Variants in TIGD1 observed in about 807,000 individuals in gnomAD.
TIGD1 encodes tigger transposable element derived 1, also known as tigger transposable element-derived protein 1.
In TIGD1, 20 loss-of-function variants were observed where a neutral mutation model predicts 21.3. That is an observed-to-expected ratio of 0.94 (90% CI 0.66 to 1.36). TIGD1 has a LOEUF of 1.36. TIGD1 is among the 40% of genes most tolerant of loss of function. The probability of loss-of-function intolerance (pLI) is 0.00; values close to 1 mark genes in which losing one functional copy is unlikely to be tolerated. For synonymous variants in TIGD1, 177 were observed against 123.2 expected, an observed-to-expected ratio of 1.44 and a Z score of -2.89; for missense variants, 556 against 350.5, an observed-to-expected ratio of 1.59 and a Z score of -4.68.
In TIGD1 at chr2:232,544,584, A is replaced by G; in HGVS notation, c.*3523T>C. On this transcript the variant is annotated 3_prime_UTR_variant, in exon 1 of 1. Coordinates refer to ENST00000408957, the MANE Select transcript of TIGD1 (RefSeq NM_145702.4). Reference sequence around the variant, plus strand: ...GCGGCAGCGCTGGAGAAGCTAGGTGAGACACACCAGGTGTGCCTGGGGACA... The same window carrying G: ...GCGGCAGCGCTGGAGAAGCTAGGTGGGACACACCAGGTGTGCCTGGGGACA... 1.2e-6 allele frequency: 2 copies of G among 1,610,996 alleles called. No individual in the cohort carries two copies. Among genetic ancestry groups the G allele is most frequent in the South Asian group, 2.2e-5 (2 of 91,018 alleles).
rs142273229 is a variant in TIGD1 at position 232,545,243 on chromosome 2, G to T, written c.*2864C>A. ...AATTGCTTGAACCTGGGAGGCGGAGGTTGCAGTGAGCCAAGCCAAGATCGC... is the reference window on the plus strand; with the variant it reads ...AATTGCTTGAACCTGGGAGGCGGAGTTTGCAGTGAGCCAAGCCAAGATCGC... On this transcript the variant is annotated 3_prime_UTR_variant, in exon 1 of 1. Coordinates refer to ENST00000408957, the MANE Select transcript of TIGD1 (RefSeq NM_145702.4). Among the ~76,000 whole-genome samples the T allele has an allele frequency of 0.18, 26,602 of 151,378 alleles. 2,523 individuals are homozygous for T. Among genetic ancestry groups the T allele is most frequent in the Middle Eastern group, 0.26 (75 of 290 alleles).
rs550830120 is a variant in TIGD1 at position 232,544,215 on chromosome 2, C to A, written c.*3892G>T. On this transcript the variant is annotated 3_prime_UTR_variant, in exon 1 of 1. Coordinates refer to ENST00000408957, the MANE Select transcript of TIGD1 (RefSeq NM_145702.4). ...GTGCACTGAAGTTTGGGGACCCAGGCTCGTGTCCAGTATAGAAAGCTTTAC... is the reference window on the plus strand; with the variant it reads ...GTGCACTGAAGTTTGGGGACCCAGGATCGTGTCCAGTATAGAAAGCTTTAC... 1.1e-4 allele frequency: 77 copies of A among 727,642 alleles called. No individual in the cohort carries two copies. The African/African-American group carries it at 1.1e-3, about 11-fold the overall frequency. 45.1% of individuals were successfully genotyped at this position (727,642 alleles called of 1,614,324 possible). A position where few individuals can be genotyped will look rare whatever the true frequency, so the allele number is the denominator to read the frequency against.
chr2:232,544,550 G>C lies in TIGD1; in HGVS notation c.*3557C>G. 4 of 1,613,684 alleles carry C rather than the reference G, an allele frequency of 2.5e-6. No individual in the cohort carries two copies. Among genetic ancestry groups the C allele is most frequent in the Non-Finnish European group, 3.4e-6 (4 of 1,179,906 alleles). ...CCTCTTCCAGCAGTGGCAGCGGCAA[G>C]GGCTGGTGGCGGCAGCGCTGGAGAA... On this transcript the variant is annotated 3_prime_UTR_variant, in exon 1 of 1. Coordinates refer to ENST00000408957, the MANE Select transcript of TIGD1 (RefSeq NM_145702.4).
Position 232,545,415 on chromosome 2 carries a change from C to A in TIGD1, c.*2692G>T. 1 of 876,256 alleles carries A rather than the reference C, an allele frequency of 1.1e-6. No individual in the cohort carries two copies. Among genetic ancestry groups the A allele is most frequent in the Non-Finnish European group, 1.8e-6 (1 of 546,344 alleles). The allele number at this position is 876,256 out of a possible 1,614,324, so 54.3% of individuals were successfully genotyped here. A position where few individuals can be genotyped will look rare whatever the true frequency, so the allele number is the denominator to read the frequency against. On this transcript the variant is annotated 3_prime_UTR_variant, in exon 1 of 1. Transcript: ENST00000408957. ...CATGGAATTAGCCACCAGTTGGGAC[C>A]CGGACATAGGTAAGAAGGGCCCCAG...
At position 232,544,660 on chromosome 2, in the gene TIGD1, G is replaced by A. The variant is rs918318045; in HGVS notation, c.*3447C>T. 1.3e-6 allele frequency: 2 copies of A among 1,564,414 alleles called. No individual in the cohort carries two copies. The highest frequency in any genetic ancestry group is 1.4e-5 in the African/African-American group (1 of 73,884). ...GAGCCAGGCACAGCAGATGAGTGCT[G>A]GAGAAGTGCCCAGGTCAGGGAGAGA... On this transcript the variant is annotated 3_prime_UTR_variant, in exon 1 of 1. Transcript: ENST00000408957.
In TIGD1 at chr2:232,548,746, G is replaced by C. The variant is rs768543882; in HGVS notation, c.1137C>G (p.Thr379=). The C allele has an allele frequency of 1.2e-5, 6 of 512,916 alleles. No individual in the cohort carries two copies. The highest frequency in any genetic ancestry group is 9.5e-5 in the South Asian group (6 of 63,336). The allele number at this position is 512,916 out of a possible 1,614,324, so 31.8% of individuals were successfully genotyped here. The change falls in exon 1 of 1, where the codon ACC becomes ACG. Residue 379 remains threonine (T), a synonymous_variant. Coordinates refer to ENST00000408957, the MANE Select transcript of TIGD1 (RefSeq NM_145702.4). ...SKLKTFWKGF[T]ILDAIKNIRD... Reference sequence around the variant, plus strand: ...GAATGTTTTTAATGGCATCTAAAATGGTGAATCCTTTCCAGAAGGTTTTCA... The same window carrying C: ...GAATGTTTTTAATGGCATCTAAAATCGTGAATCCTTTCCAGAAGGTTTTCA...
chr2:232,549,682 C>A lies in TIGD1; in HGVS notation c.201G>T (p.Met67Ile), dbSNP rs1012832595. 3 of 741,438 alleles carry A rather than the reference C, an allele frequency of 4.0e-6. No individual in the cohort carries two copies. The highest frequency in any genetic ancestry group is 3.0e-4 in the Middle Eastern group (1 of 3,286). 45.9% of individuals were successfully genotyped at this position (741,438 alleles called of 1,614,324 possible). Residue 67 changes from methionine to isoleucine, a missense_variant, in exon 1 of 1, where the codon ATG (methionine) becomes ATT (isoleucine). Coordinates refer to ENST00000408957, the MANE Select transcript of TIGD1 (RefSeq NM_145702.4). Reference sequence around the variant, plus strand: ...TTCGCTTTCTTATCATTCGTGTGTTCATTGGAGTAGCACTTTTAACTTCCT... The same window carrying A: ...TTCGCTTTCTTATCATTCGTGTGTTAATTGGAGTAGCACTTTTAACTTCCT... ...FLKEVKSATP[M>I]NTRMIRKRNS...
In TIGD1 at chr2:232,547,073, CCT is replaced by C. The variant is rs898961672; in HGVS notation, c.*1032_*1033del. ...ACCCTTGGGCAAGTCACCTATGCTC[CCT>C]GAGGCTGTTCCCTCATCTGTAAATA... On this transcript the variant is annotated 3_prime_UTR_variant, in exon 1 of 1. Transcript: ENST00000408957. 3.3e-4 allele frequency among the ~76,000 whole-genome samples: 51 copies of C among 152,266 alleles called. No individual in the cohort carries two copies. Among genetic ancestry groups the C allele is most frequent in the African/African-American group, 1.2e-3 (50 of 41,548 alleles).
In TIGD1 at chr2:232,544,344, T is replaced by C. The variant is rs780982433; in HGVS notation, c.*3763A>G. 1.3e-6 allele frequency: 2 copies of C among 1,594,452 alleles called. No individual in the cohort carries two copies. Among genetic ancestry groups the C allele is most frequent in the Admixed American group, 1.7e-5 (1 of 60,012 alleles). ...TGCTCTGAAGCTCGGCCTGCTGCCC[T>C]AGTGAAGCCACCCCCTCTCTAGGTG... On this transcript the variant is annotated 3_prime_UTR_variant, in exon 1 of 1. Transcript: ENST00000408957.
Position 232,545,692 on chromosome 2 carries a change from C to T in TIGD1, c.*2415G>A, listed in dbSNP as rs750564080. The stretch of plus-strand genomic sequence containing the variant: ...CCCTGCCATTCCCTGGAGATCCACG[C>T]CCCTACCTGCCCTCACCAGACTGAG... On this transcript the variant is annotated 3_prime_UTR_variant, in exon 1 of 1. Coordinates refer to ENST00000408957, the MANE Select transcript of TIGD1 (RefSeq NM_145702.4). The T allele has an allele frequency of 2.5e-6, 4 of 1,614,224 alleles. No individual in the cohort carries two copies. Among genetic ancestry groups the T allele is most frequent in the South Asian group, 2.2e-5 (2 of 91,082 alleles).
chr2:232,548,574 A>C lies in TIGD1; in HGVS notation c.1309T>G (p.Leu437Val). ...DVVEIAKELE[L>V]EVEPEDVTEL... is the part of the protein sequence containing the mutation. Reference sequence around the variant, plus strand: ...GTTACATCTTCAGGCTCTACTTCTAATTCTAGTTCTTTTGCTATTTCCACC... The same window carrying C: ...GTTACATCTTCAGGCTCTACTTCTACTTCTAGTTCTTTTGCTATTTCCACC... The change falls in exon 1 of 1, where the codon TTA becomes GTA. Residue 437 changes from leucine (L) to valine (V), a missense_variant. By Grantham distance (32) the Leu-to-Val change is conservative (BLOSUM62 1). Coordinates refer to ENST00000408957, the MANE Select transcript of TIGD1 (RefSeq NM_145702.4). 1 of 607,034 alleles carries C rather than the reference A, an allele frequency of 1.6e-6. No homozygotes were observed. The highest frequency in any genetic ancestry group is 3.0e-6 in the Non-Finnish European group (1 of 329,556). 37.6% of individuals were successfully genotyped at this position (607,034 alleles called of 1,614,324 possible).
chr2:232,545,482 C>G lies in TIGD1; in HGVS notation c.*2625G>C. The G allele has an allele frequency of 6.8e-7, 1 of 1,467,698 alleles. No homozygotes were observed. Among genetic ancestry groups the G allele is most frequent in the Non-Finnish European group, 9.4e-7 (1 of 1,064,792 alleles). The allele number at this position is 1,467,698 out of a possible 1,614,324, so 90.9% of individuals were successfully genotyped here. On this transcript the variant is annotated 3_prime_UTR_variant, in exon 1 of 1. Coordinates refer to ENST00000408957, the MANE Select transcript of TIGD1 (RefSeq NM_145702.4). The stretch of plus-strand genomic sequence containing the variant: ...CCTGCTGGAAGCCCAAGGATGAGAA[C>G]AGGACCCAGGGAAGACCTGGTGCCG...
In TIGD1 at chr2:232,549,724, T is replaced by C. The variant is rs768838061; in HGVS notation, c.159A>G (p.Ala53=). 5.0e-6 allele frequency: 5 copies of C among 1,002,146 alleles called. No individual in the cohort carries two copies. In the African/African-American group the frequency reaches 8.0e-5, roughly 16 times the overall value. 62.1% of individuals were successfully genotyped at this position (1,002,146 alleles called of 1,614,324 possible). A position where few individuals can be genotyped will look rare whatever the true frequency, so the allele number is the denominator to read the frequency against. ...TAACTTCCTTCAAGAACTTTTCCTT[T>C]GCATTTACAACTTGGCTAACTGTTT... is the stretch of plus-strand genomic sequence containing the variant. The part of the protein sequence containing the change: ...LRQTVSQVVN[A]KEKFLKEVKS... Residue 53 remains alanine, a synonymous_variant, in exon 1 of 1, where the codon GCA becomes GCG. Transcript: ENST00000408957.
At position 232,550,543 on chromosome 2, in the gene TIGD1, AGTCCAGCCCT is replaced by A; in HGVS notation, c.-671_-662del. The A allele has an allele frequency of 1.4e-6, 1 of 718,750 alleles. No homozygotes were observed. Among genetic ancestry groups the A allele is most frequent in the Non-Finnish European group, 2.3e-6 (1 of 431,486 alleles). The allele number at this position is 718,750 out of a possible 1,614,324, so 44.5% of individuals were successfully genotyped here. A position where few individuals can be genotyped will look rare whatever the true frequency, so the allele number is the denominator to read the frequency against. On this transcript the variant is annotated 5_prime_UTR_variant, in exon 1 of 1. Coordinates refer to ENST00000408957, the MANE Select transcript of TIGD1 (RefSeq NM_145702.4). Reference sequence around the variant, plus strand: ...AGGCCAGCAGCCAGCTCCGCCGCTGAGTCCAGCCCTCTGCGCAGCCGCCCTGAGCTGGCGT... The same window carrying A: ...AGGCCAGCAGCCAGCTCCGCCGCTGACTGCGCAGCCGCCCTGAGCTGGCGT...
In TIGD1 at chr2:232,545,320, A is replaced by G. The variant is rs1263323401; in HGVS notation, c.*2787T>C. Reference sequence around the variant, plus strand: ...GAGTGAGACGTGAGACTCCGTCTCAAAAAAAAAAAAAAGGAAAGAAAGAAA... The same window carrying G: ...GAGTGAGACGTGAGACTCCGTCTCAGAAAAAAAAAAAAGGAAAGAAAGAAA... On this transcript the variant is annotated 3_prime_UTR_variant, in exon 1 of 1. Transcript: ENST00000408957. Among the ~76,000 whole-genome samples the G allele has an allele frequency of 2.0e-5, 3 of 148,236 alleles. No homozygotes were observed. Among genetic ancestry groups the G allele is most frequent in the Non-Finnish European group, 3.0e-5 (2 of 66,862 alleles).
rs763276643 is a variant in TIGD1 at position 232,543,921 on chromosome 2, A to T, written c.*4186T>A. ...AATGTATTTCATCTTCATAAAACCC[A>T]TATCACCTCCAATTACAGATGAGGA... On this transcript the variant is annotated 3_prime_UTR_variant, in exon 1 of 1. Transcript: ENST00000408957. Among the ~76,000 whole-genome samples the T allele has an allele frequency of 6.6e-5, 10 of 152,236 alleles. No individual in the cohort carries two copies. The highest frequency in any genetic ancestry group is 1.3e-4 in the Non-Finnish European group (9 of 68,046).
rs1294422976 is a variant in TIGD1 at position 232,548,088 on chromosome 2, T to A, written c.*19A>T. On this transcript the variant is annotated 3_prime_UTR_variant, in exon 1 of 1. Transcript: ENST00000408957. ...ATACCTAAATTTAAAAATACTTTAT[T>A]GCTAAAAAATGCTGATTATCAATCT... 1.6e-6 allele frequency: 1 copy of A among 619,822 alleles called. No homozygotes were observed. The highest frequency in any genetic ancestry group is 2.7e-6 in the Non-Finnish European group (1 of 366,842). The allele number at this position is 619,822 out of a possible 1,614,324, so 38.4% of individuals were successfully genotyped here. A position where few individuals can be genotyped will look rare whatever the true frequency, so the allele number is the denominator to read the frequency against.
In TIGD1 at chr2:232,543,988, G is replaced by A. The variant is rs1457174889; in HGVS notation, c.*4119C>T. Among the ~76,000 whole-genome samples the A allele has an allele frequency of 6.6e-6, 1 of 152,238 alleles. No homozygotes were observed. Among genetic ancestry groups the A allele is most frequent in the Non-Finnish European group, 1.5e-5 (1 of 68,050 alleles). On this transcript the variant is annotated 3_prime_UTR_variant, in exon 1 of 1. Coordinates refer to ENST00000408957, the MANE Select transcript of TIGD1 (RefSeq NM_145702.4). ...GGTTAAGTAACCTGCCCAAGGAAGT[G>A]CACTACAAAGTCGAAAAAGCAGGAG...
rs746237092 is a variant in TIGD1, at chr2:232,544,902, T to C, written c.*3205A>G. Reference sequence around the variant, plus strand: ...GGCACCAGCAGAGTCACTTTGACAATGTAAGCTGAGTCAGGGTGGGGTGGA... The same window carrying C: ...GGCACCAGCAGAGTCACTTTGACAACGTAAGCTGAGTCAGGGTGGGGTGGA... On this transcript the variant is annotated 3_prime_UTR_variant, in exon 1 of 1. Coordinates refer to ENST00000408957, the MANE Select transcript of TIGD1 (RefSeq NM_145702.4). 1.9e-6 allele frequency: 3 copies of C among 1,613,668 alleles called. No homozygotes were observed. Among genetic ancestry groups the C allele is most frequent in the South Asian group, 1.1e-5 (1 of 91,070 alleles).
Sources: gnomAD v4.1 joint callset for allele counts (sites outside exome capture counted in the v4.1 genomes callset) on GRCh38, gnomAD v4.1.1 for gene constraint, MANE v1.5 for transcripts, NCBI Gene and HGNC (gene_info 2026-07-23, HGNC 2026-07-21) for gene names.